DOCK4: variants seen among roughly 807,000 people sequenced by gnomAD.
DOCK4 encodes dedicator of cytokinesis 4, also known as dedicator of cytokinesis protein 4.
Under a neutral mutation model 268.1 loss-of-function variants are expected in DOCK4, and 97 were observed. That is an observed-to-expected ratio of 0.36 (90% CI 0.31 to 0.43). The LOEUF is 0.43. Among genes scored for constraint, DOCK4 ranks in the 20% least tolerant of loss-of-function variants. The pLI is 1.00. For missense variants in DOCK4, 2,145 were observed against 2,455.7 expected, an observed-to-expected ratio of 0.87 and a Z score of 2.67; for synonymous variants, 954 against 887.2, an observed-to-expected ratio of 1.08 and a Z score of -1.34.
intron 52 of DOCK4, among the ~76,000 whole-genome samples, chr7:111,729,251 T>A (rs1404990671): frequency 1.3e-5 from 2 of 152,202 alleles, no homozygotes; most frequent in African/African-American, 4.8e-5. Context: ...AGTTTACTCC[T>A]TATCATTTTC....
At chr7:111,952,154 G>GA (rs1212019867) in intron 8 of DOCK4, among the ~76,000 whole-genome samples, 1 of 150,738 alleles carries the variant, frequency 6.6e-6, no homozygotes, top group Non-Finnish European at 1.5e-5. Context: ...GAAGCCAAAT[G>GA]AAAAAAACAA....
In DOCK4 at chr7:112,063,899, C is replaced by A. The variant is rs111259653; in HGVS notation, c.38-59768G>T. ...CTGTCATATGACATTTTTGGGTACC[C>A]CAAGTCCTTTTCTTTCTATTTCTTT... On this transcript the variant is annotated intron_variant, in intron 1 of 52. Coordinates refer to ENST00000428084, the MANE Select transcript of DOCK4 (RefSeq NM_001363540.2). 3.0e-3 allele frequency among the ~76,000 whole-genome samples: 461 copies of A among 152,184 alleles called. 2 individuals carry two copies. The highest frequency in any genetic ancestry group is 0.011 in the African/African-American group (444 of 41,510).
intron 16 of DOCK4, among the ~76,000 whole-genome samples, chr7:111,887,255 C>T (rs1006043692): frequency 7.9e-5 from 12 of 152,128 alleles, no homozygotes; most frequent in African/African-American, 2.7e-4. Context: ...TTTGGATATG[C>T]TGAGTGTGCA....
chr7:111,949,276 G>C (rs1175718574), intron 8 of DOCK4, among the ~76,000 whole-genome samples: 2 of 152,108 alleles, frequency 1.3e-5, no homozygotes, highest in African/African-American at 4.8e-5. Flanking sequence ...AAATACAGAA[G>C]TCAATAGGGC....
intron 12 of DOCK4, among the ~76,000 whole-genome samples, chr7:111,930,655 G>A (rs185103400): frequency 5.9e-5 from 9 of 152,288 alleles, no homozygotes; most frequent in African/African-American, 2.2e-4. Context: ...TTATCTAACT[G>A]TTGTGACAGT....
chr7:112,019,966 T>C (rs1802172607), intron 1 of DOCK4, among the ~76,000 whole-genome samples: 1 of 152,222 alleles, frequency 6.6e-6, no homozygotes, highest in Non-Finnish European at 1.5e-5. Flanking sequence ...TAAGTCATAC[T>C]ATGGCAGAAA....
chr7:111,932,357 C>T (rs1453083295), intron 12 of DOCK4, among the ~76,000 whole-genome samples: 2 of 152,068 alleles, frequency 1.3e-5, no homozygotes, highest in African/African-American at 4.8e-5. Flanking sequence ...TTTGTTTATC[C>T]ATACTGAGGG....
rs555052735 is a variant in DOCK4, at chr7:112,113,649, T to C, written c.37+92453A>G. Among the ~76,000 whole-genome samples, 57 of 150,894 alleles carry C rather than the reference T, an allele frequency of 3.8e-4. 1 individual carries two copies. In the South Asian group the frequency reaches 7.9e-3, roughly 21 times the overall value. On this transcript the variant is annotated intron_variant, in intron 1 of 52. Transcript: ENST00000428084. ...AGTACAGGGGTGCAATCATAGCTCA[T>C]TGCAGCCTCCAACTCCTGGCCTCAA...
chr7:111,806,134 T>G (rs1800652692), intron 30 of DOCK4, among the ~76,000 whole-genome samples: 1 of 152,220 alleles, frequency 6.6e-6, no homozygotes, highest in African/African-American at 2.4e-5. Flanking sequence ...TTTACTGGAC[T>G]GTTACATTAA....
rs1490190737 is a variant in DOCK4 at position 111,945,720 on chromosome 7, A to G, written c.780T>C (p.Phe260=). 5.6e-6 allele frequency: 9 copies of G among 1,593,522 alleles called. No homozygotes were observed. Among genetic ancestry groups the G allele is most frequent in the Non-Finnish European group, 7.7e-6 (9 of 1,169,330 alleles). The change falls in exon 9 of 53, where the codon TTT becomes TTC. Residue 260 remains phenylalanine (F), a synonymous_variant. Transcript: ENST00000428084. ...PDKPERHCSL[F]VDLGSSELRK... is the part of the protein sequence containing the mutation. Reference sequence around the variant, plus strand: ...GAATGAAACAAGATCCACTCACCACAAAGAGGGAGCAATGTCGTTCCGGTT... The same window carrying G: ...GAATGAAACAAGATCCACTCACCACGAAGAGGGAGCAATGTCGTTCCGGTT...
At chr7:112,098,720 A>G (rs1810387984) in intron 1 of DOCK4, among the ~76,000 whole-genome samples, 1 of 150,216 alleles carries the variant, frequency 6.7e-6, no homozygotes, top group Non-Finnish European at 1.5e-5. Flanking sequence ...ATAATTATAT[A>G]GATTATGTAA....
intron 1 of DOCK4, among the ~76,000 whole-genome samples, chr7:112,112,194 G>C (rs1005054513): frequency 1.3e-5 from 2 of 152,130 alleles, no homozygotes; most frequent in African/African-American, 4.8e-5. Flanking sequence ...TTCATGAATG[G>C]CTTGGTGCCT....
In DOCK4 at chr7:111,769,607, C is replaced by A; in HGVS notation, c.3750G>T (p.Leu1250=). The change falls in exon 37 of 53, where the codon CTG becomes CTT. Residue 1250 remains leucine, a synonymous_variant. Transcript: ENST00000428084. The part of the protein sequence containing the change: ...EWSDRPLREF[L]TYPMQTEWQR... ...GCCATTCTGTTTGCATGGGGTAGGT[C>A]AGGAACTCCCTGAGGGGCCGATCAG... is the stretch of plus-strand genomic sequence containing the variant. 1.9e-6 allele frequency: 3 copies of A among 1,613,748 alleles called. No individual in the cohort carries two copies. The highest frequency in any genetic ancestry group is 2.5e-6 in the Non-Finnish European group (3 of 1,179,822).
At chr7:111,734,665 G>A (rs925466053) in intron 51 of DOCK4, among the ~76,000 whole-genome samples, 3 of 152,292 alleles carry the variant, frequency 2.0e-5, no homozygotes, top group African/African-American at 7.2e-5. Context: ...AGAGGCAACT[G>A]GAAACTTTGG....
chr7:111,784,485 C>G (rs1344824368), intron 32 of DOCK4: 1 of 496,720 alleles, frequency 2.0e-6, no homozygotes, highest in African/African-American at 1.9e-5. Flanking sequence ...TTTTTCCTTT[C>G]ACTTAACATT....
chr7:111,993,661 G>T (rs190467492), intron 5 of DOCK4, among the ~76,000 whole-genome samples: 9 of 152,210 alleles, frequency 5.9e-5, no homozygotes, highest in South Asian at 2.1e-4. Flanking sequence ...TATATACTAC[G>T]TATCTGCAAA....
At chr7:112,072,767 G>T (rs940314847) in intron 1 of DOCK4, among the ~76,000 whole-genome samples, 1 of 152,212 alleles carries the variant, frequency 6.6e-6, no homozygotes, top group Admixed American at 6.5e-5. Context: ...GCAGCTTCCT[G>T]ATAAGATCTC....
intron 1 of DOCK4, among the ~76,000 whole-genome samples, chr7:112,186,231 T>C (rs917340804): frequency 1.3e-5 from 2 of 152,236 alleles, no homozygotes; most frequent in Non-Finnish European, 2.9e-5. Context: ...ATATTTACTA[T>C]GAATTTTGTC....
chr7:111,783,796 T>G, intron 34 of DOCK4, 61 bp downstream of exon 34: 1 of 1,410,540 alleles, frequency 7.1e-7, no homozygotes, highest in South Asian at 1.2e-5. Flanking sequence ...GTATTCTATT[T>G]GATTTTCTAA....
Sources: gnomAD v4.1 joint callset for allele counts (sites outside exome capture counted in the v4.1 genomes callset) on GRCh38, gnomAD v4.1.1 for gene constraint, MANE v1.5 for transcripts, NCBI Gene and HGNC (gene_info 2026-07-23, HGNC 2026-07-21) for gene names.